ZNF257: variants seen among roughly 807,000 people sequenced by gnomAD.
ZNF257 encodes zinc finger protein 257.
In ZNF257, 12 loss-of-function variants were observed where a neutral mutation model predicts 11.9. That is an observed-to-expected ratio of 1.01 (90% confidence interval 0.65 to 1.63). The LOEUF (loss-of-function observed/expected upper bound fraction) is 1.63, where lower values mean the gene tolerates loss of function less well. ZNF257 is among the 40% of genes most tolerant of loss of function. The pLI is 0.00. For synonymous variants in ZNF257, 183 were observed against 222.7 expected, an observed-to-expected ratio of 0.82 and a Z score of 1.59; for missense variants, 580 against 665.5, an observed-to-expected ratio of 0.87 and a Z score of 1.41.
intron 1 of ZNF257, among the ~76,000 whole-genome samples, chr19:22,061,106 C>T (rs1599660470): frequency 1.4e-5 from 2 of 146,388 alleles, no homozygotes; most frequent in Non-Finnish European, 1.5e-5. Flanking sequence ...TATTTGGGCT[C>T]TTTTTTTTTT....
rs61426953 is a variant in ZNF257, at chr19:22,053,366, C to CAAAAAAAAA, written c.3+751_3+759dup. 7.6e-4 allele frequency among the ~76,000 whole-genome samples: 58 copies of CAAAAAAAAA among 76,494 alleles called. 1 individual carries two copies. Among genetic ancestry groups the CAAAAAAAAA allele is most frequent in the African/African-American group, 2.4e-3 (58 of 24,344 alleles). 50.2% of individuals were successfully genotyped at this position (76,494 alleles called of 152,430 possible). ...CTGAAGACAGAGCGAGACTCCGTCT[C>CAAAAAAAAA]AAAAAAAAAAAAAAAAAAAAAAAAA... On this transcript the variant is annotated intron_variant, in intron 1 of 3. Transcript: ENST00000594947.
intron 1 of ZNF257, chr19:22,066,234 A>G (rs2021941470): frequency 6.5e-6 from 1 of 152,810 alleles, no homozygotes; most frequent in Non-Finnish European, 1.5e-5. Flanking sequence ...TCTTGGAGTG[A>G]TCTCTACCGA....
Position 22,089,047 on chromosome 19 carries a change from T to C in ZNF257, c.1297T>C (p.Cys433Arg), listed in dbSNP as rs746922060. 6.2e-7 allele frequency: 1 copy of C among 1,613,744 alleles called. No individual in the cohort carries two copies. The highest frequency in any genetic ancestry group is 8.5e-7 in the Non-Finnish European group (1 of 1,179,856). Residue 433 changes from cysteine (C) to arginine (R), a missense_variant, in exon 4 of 4, where the codon TGT becomes CGT. By Grantham distance (180) the Cys-to-Arg change is radical. Coordinates refer to ENST00000594947, the MANE Select transcript of ZNF257 (RefSeq NM_033468.4). ...TCATACTGGAGAGAAACCCTACAAA[T>C]GTGAAGAGTGTGGCAAAGCCTTTAA... ...IIHTGEKPYK[C>R]EECGKAFNRS...
Position 22,089,452 on chromosome 19 carries a change from AC to A in ZNF257, c.*13del. 6.3e-7 allele frequency: 1 copy of A among 1,599,348 alleles called. No homozygotes were observed. The highest frequency in any genetic ancestry group is 1.3e-5 in the African/African-American group (1 of 74,310). The stretch of plus-strand genomic sequence containing the variant: ...TAAACATAATTCATAATGGAGAAAA[AC>A]CCTACAAATGTGAAGAATGTGTCAA... On this transcript the variant is annotated 3_prime_UTR_variant, in exon 4 of 4. Coordinates refer to ENST00000594947, the MANE Select transcript of ZNF257 (RefSeq NM_033468.4).
intron 1 of ZNF257, among the ~76,000 whole-genome samples, chr19:22,063,004 C>T (rs925370616): frequency 1.2e-4 from 18 of 152,178 alleles, no homozygotes; most frequent in Non-Finnish European, 2.5e-4. Context: ...CTATATATTA[C>T]TAATCCAATT....
chr19:22,062,706 T>C (rs868591917), intron 1 of ZNF257, among the ~76,000 whole-genome samples: 25 of 152,222 alleles, frequency 1.6e-4, no homozygotes, highest in African/African-American at 6.0e-4. Context: ...GGTCTTGAAC[T>C]CCCGACCTCA....
chr19:22,087,381 A>G (rs895546924), intron 3 of ZNF257: 25 of 392,996 alleles, frequency 6.4e-5, no homozygotes, highest in Admixed American at 1.8e-4. Context: ...TTTCTAGTTT[A>G]AAAAGTTTAT....
Position 22,073,465 on chromosome 19 carries a change from A to C in ZNF257, c.131-4A>C, listed in dbSNP as rs764041691. ...GATGCGTGTTACTTATTTTTAAAAA[A>C]CAGGTATTGCTGTCTCTAAGCCAGA... On this transcript the variant is annotated splice_region_variant and splice_polypyrimidine_tract_variant and intron_variant, in intron 2 of 3. Transcript: ENST00000594947. 1.5e-5 allele frequency: 24 copies of C among 1,602,506 alleles called. No individual in the cohort carries two copies. Among genetic ancestry groups the C allele is most frequent in the Non-Finnish European group, 1.8e-5 (21 of 1,175,992 alleles).
chr19:22,088,653 T>C lies in ZNF257; in HGVS notation c.903T>C (p.Thr301=). 3 of 1,606,866 alleles carry C rather than the reference T, an allele frequency of 1.9e-6. No homozygotes were observed. Among genetic ancestry groups the C allele is most frequent in the Non-Finnish European group, 2.5e-6 (3 of 1,178,320 alleles). ...CKAFKWSSAL[T]TLTQHKRIHT... Reference sequence around the variant, plus strand: ...CCTTTAAGTGGTCCTCAGCTCTTACTACCCTTACTCAACATAAGAGAATTC... The same window carrying C: ...CCTTTAAGTGGTCCTCAGCTCTTACCACCCTTACTCAACATAAGAGAATTC... Residue 301 remains threonine, a synonymous_variant, in exon 4 of 4, where the codon ACT becomes ACC. Transcript: ENST00000594947.
At chr19:22,069,242 T>G (rs1425657319) in intron 1 of ZNF257, among the ~76,000 whole-genome samples, 1 of 152,116 alleles carries the variant, frequency 6.6e-6, no homozygotes, top group East Asian at 1.9e-4. Context: ...GAATTAAGCA[T>G]CATATGGTTG....
At position 22,089,728 on chromosome 19, in the gene ZNF257, G is replaced by T; in HGVS notation, c.*286G>T. 1 of 579,486 alleles carries T rather than the reference G, an allele frequency of 1.7e-6. No homozygotes were observed. The highest frequency in any genetic ancestry group is 2.7e-6 in the Non-Finnish European group (1 of 371,196). The allele number at this position is 579,486 out of a possible 1,614,324, so 35.9% of individuals were successfully genotyped here. ...CTACAAATATGAAGAATGTGACAAGGCCTTTAAAAGTTCTCAACCCTTATT... is the reference window on the plus strand; with the variant it reads ...CTACAAATATGAAGAATGTGACAAGTCCTTTAAAAGTTCTCAACCCTTATT... On this transcript the variant is annotated 3_prime_UTR_variant, in exon 4 of 4. Transcript: ENST00000594947.
chr19:22,055,728 T>C (rs1407674894), intron 1 of ZNF257, among the ~76,000 whole-genome samples: 4 of 152,082 alleles, frequency 2.6e-5, no homozygotes, highest in Admixed American at 2.0e-4. Context: ...GACACATTTG[T>C]TTCTTAATCA....
chr19:22,059,386 A>T (rs2021730979), intron 1 of ZNF257, among the ~76,000 whole-genome samples: 1 of 152,044 alleles, frequency 6.6e-6, no homozygotes, highest in Non-Finnish European at 1.5e-5. Flanking sequence ...TATAAATGGT[A>T]ACATGTATTT....
rs1050053570 is a variant in ZNF257, at chr19:22,090,002, G to C, written c.*560G>C. On this transcript the variant is annotated 3_prime_UTR_variant, in exon 4 of 4. Coordinates refer to ENST00000594947, the MANE Select transcript of ZNF257 (RefSeq NM_033468.4). ...AAATGGTTTTCACACTTGATTGCAG[G>C]TAAAATAATTTATACCGGAGAAAAC... 27 of 154,096 alleles carry C rather than the reference G, an allele frequency of 1.8e-4. No individual in the cohort carries two copies. Among genetic ancestry groups the C allele is most frequent in the African/African-American group, 6.3e-4 (26 of 41,382 alleles). The allele number at this position is 154,096 out of a possible 1,614,324, so 9.5% of individuals were successfully genotyped here.
intron 1 of ZNF257, among the ~76,000 whole-genome samples, chr19:22,057,400 G>A (rs1047409525): frequency 2.6e-5 from 4 of 152,080 alleles, no homozygotes; most frequent in African/African-American, 4.8e-5. Flanking sequence ...CTGGGGAGCC[G>A]CCCCTGCAGA....
chr19:22,059,022 C>T (rs867141771), intron 1 of ZNF257, among the ~76,000 whole-genome samples: 2 of 152,146 alleles, frequency 1.3e-5, no homozygotes, highest in African/African-American at 2.4e-5. Flanking sequence ...ACCACCTGTT[C>T]GTAATCTCAT....
At chr19:22,062,416 G>A (rs1052637746) in intron 1 of ZNF257, among the ~76,000 whole-genome samples, 2 of 151,234 alleles carry the variant, frequency 1.3e-5, no homozygotes, top group African/African-American at 2.4e-5. Context: ...GAGCCACTGC[G>A]CCCAGCTTTG....
intron 1 of ZNF257, among the ~76,000 whole-genome samples, chr19:22,068,146 C>G (rs2022006659): frequency 6.7e-6 from 1 of 148,972 alleles, no homozygotes; most frequent in African/African-American, 2.5e-5. Context: ...CCATCCCACT[C>G]TCTGTCCCTC....
intron 3 of ZNF257, among the ~76,000 whole-genome samples, chr19:22,080,982 A>G (rs1599672029): frequency 6.6e-6 from 1 of 151,744 alleles, no homozygotes; most frequent in Admixed American, 6.6e-5. Flanking sequence ...GGTTCAAACA[A>G]TTCTTCCACC....
Sources: gnomAD v4.1 joint callset for allele counts (sites outside exome capture counted in the v4.1 genomes callset) on GRCh38, gnomAD v4.1.1 for gene constraint, MANE v1.5 for transcripts, NCBI Gene and HGNC (gene_info 2026-07-23, HGNC 2026-07-21) for gene names.